The following CST3 variants were observed in gnomAD, a reference collection of about 807,000 sequenced individuals.
CST3 encodes the protein cystatin C, also known as cystatin-C.
In CST3, 14 loss-of-function variants were observed where a neutral mutation model predicts 9.0. The observed-to-expected ratio is 1.56, with a 90% confidence interval of 1.03 to 2.44. CST3 has a LOEUF of 2.44. Ranked by LOEUF, CST3 falls within the 30% of genes most tolerant of loss-of-function variation. CST3 has a pLI of 0.00. For synonymous variants in CST3, 96 were observed against 90.2 expected (o/e 1.06, Z -0.37); for missense variants, 237 against 204.3 (o/e 1.16, Z -0.98).
At position 23,633,734 on chromosome 20, in the gene CST3, A is replaced by C; in HGVS notation, c.*182T>G. 1 of 683,700 alleles carries C rather than the reference A, an allele frequency of 1.5e-6. No homozygotes were observed. Among genetic ancestry groups the C allele is most frequent in the Non-Finnish European group, 2.7e-6 (1 of 373,192 alleles). 42.4% of individuals were successfully genotyped at this position (683,700 alleles called of 1,614,324 possible). On this transcript the variant is annotated 3_prime_UTR_variant, in exon 3 of 3. Transcript: ENST00000376925. ...GGGCTATGAGAAGCAAGAAGGAAGGAGGGAGGGCAGAGCCCCTTGCTGAGC... is the reference window on the plus strand; with the variant it reads ...GGGCTATGAGAAGCAAGAAGGAAGGCGGGAGGGCAGAGCCCCTTGCTGAGC...
Position 23,637,717 on chromosome 20 carries a change from A to G in CST3, c.146T>C (p.Val49Ala). The G allele has an allele frequency of 6.5e-7, 1 of 1,544,826 alleles. No individual in the cohort carries two copies. The highest frequency in any genetic ancestry group is 8.7e-7 in the Non-Finnish European group (1 of 1,146,170). ...PMDASVEEEGVRRALDFAVGE... is the reference protein window; with the variant it reads ...PMDASVEEEGARRALDFAVGE... ...GACGGCAAAGTCCAGTGCACGCCGCACACCCTCCTCCTCCACGCTGGCGTC... is the reference window on the plus strand; with the variant it reads ...GACGGCAAAGTCCAGTGCACGCCGCGCACCCTCCTCCTCCACGCTGGCGTC... Residue 49 changes from valine (V) to alanine (A), a missense_variant, in exon 1 of 3, where the codon GTG (valine) becomes GCG (alanine). Transcript: ENST00000376925.
At chr20:23,627,207 A>T (rs966492560) in exon 4 of CST3, 1 of 152,232 alleles carries the variant, frequency 6.6e-6, no homozygotes. Context: ...AGCCCTAGAC[A>T]ACCACTAATC....
downstream of CST3, among the ~76,000 whole-genome samples, chr20:23,631,545 T>C (rs144957671): frequency 4.0e-3 from 606 of 152,314 alleles, 5 homozygotes; most frequent in African/African-American, 0.013. Flanking sequence ...TCTAAGAAAC[T>C]AGACTTGTCA....
chr20:23,635,509 A>G, intron 1 of CST3, 142 bp from the exon 2 acceptor site: 1 of 732,512 alleles, frequency 1.4e-6, no homozygotes, highest in East Asian at 2.7e-5. Context: ...TGTCACCTGC[A>G]AGGCACACAA....
chr20:23,636,240 G>C (rs1207148133), intron 1 of CST3, among the ~76,000 whole-genome samples: 3 of 152,190 alleles, frequency 2.0e-5, no homozygotes, highest in Non-Finnish European at 2.9e-5. Context: ...CGGGAGAAAC[G>C]CGGCTGGTCT....
chr20:23,633,620 G>T (rs1979532582), downstream of CST3: 2 of 562,516 alleles, frequency 3.6e-6, no homozygotes, highest in Non-Finnish European at 6.4e-6. Flanking sequence ...AACCCTGCCT[G>T]TGTGCACATC....
chr20:23,627,422 C>G (rs574453374), exon 4 of CST3: 4 of 152,070 alleles, frequency 2.6e-5, no homozygotes, highest in Non-Finnish European at 4.4e-5. Context: ...AACACTATAT[C>G]TTGATTATCC....
chr20:23,637,762 C>A lies in CST3; in HGVS notation c.101G>T (p.Arg34Leu), dbSNP rs768056985. Reference protein sequence around the residue: ...AAGSSPGKPPRLVGGPMDASV... With the variant: ...AAGSSPGKPPLLVGGPMDASV... ...GGCGTCCATGGGGCCTCCCACTAGG[C>A]GCGGCGGCTTGCCGGGACTGGAGCC... The change falls in exon 1 of 3, where the codon CGC (arginine) becomes CTC (leucine). Residue 34 changes from arginine to leucine, a missense_variant. By Grantham distance (102) the Arg-to-Leu change is moderately radical. Transcript: ENST00000376925. 2 of 1,529,948 alleles carry A rather than the reference C, an allele frequency of 1.3e-6. No homozygotes were observed. Among genetic ancestry groups the A allele is most frequent in the South Asian group, 2.4e-5 (2 of 81,888 alleles). The allele number at this position is 1,529,948 out of a possible 1,614,324, so 94.8% of individuals were successfully genotyped here. A position where few individuals can be genotyped will look rare whatever the true frequency, so the allele number is the denominator to read the frequency against.
At position 23,637,745 on chromosome 20, in the gene CST3, T is replaced by G. The variant is rs1394742444; in HGVS notation, c.118A>C (p.Met40Leu). The G allele has an allele frequency of 1.9e-6, 3 of 1,538,744 alleles. No homozygotes were observed. In the African/African-American group the frequency reaches 4.2e-5, roughly 22 times the overall value. The change falls in exon 1 of 3, where the codon ATG (methionine) becomes CTG (leucine). Residue 40 changes from methionine to leucine, a missense_variant. Coordinates refer to ENST00000376925, the MANE Select transcript of CST3 (RefSeq NM_000099.4). ...GKPPRLVGGP[M>L]DASVEEEGVR... The stretch of plus-strand genomic sequence containing the variant: ...CCCTCCTCCTCCACGCTGGCGTCCA[T>G]GGGGCCTCCCACTAGGCGCGGCGGC...
chr20:23,636,169 C>T (rs981851905), intron 1 of CST3, among the ~76,000 whole-genome samples: 8 of 152,166 alleles, frequency 5.3e-5, no homozygotes, highest in Admixed American at 2.0e-4. Context: ...TGCAGGCCAG[C>T]GGGGACCCTA....
At chr20:23,628,048 T>C (rs1404865586) in exon 4 of CST3, 1 of 152,120 alleles carries the variant, frequency 6.6e-6, no homozygotes, top group Non-Finnish European at 1.5e-5. Context: ...TCCTATCATG[T>C]GTGTTGTTTT....
chr20:23,635,702 T>TGGCA (rs988900363), intron 1 of CST3, among the ~76,000 whole-genome samples: 14 of 152,368 alleles, frequency 9.2e-5, no homozygotes, highest in Admixed American at 2.0e-4. Context: ...TTCCAGTTCC[T>TGGCA]GGCATTCAGT....
intron 2 of CST3, 48 bp downstream of exon 2, chr20:23,635,206 A>T (rs73902111): frequency 6.5e-6 from 9 of 1,386,292 alleles, no homozygotes; most frequent in Non-Finnish European, 8.2e-6. Context: ...ACACACACAC[A>T]CCCCTCTGCA....
At chr20:23,636,180 C>G (rs77339368) in intron 1 of CST3, among the ~76,000 whole-genome samples, 1 of 152,314 alleles carries the variant, frequency 6.6e-6, no homozygotes, top group Non-Finnish European at 1.5e-5. Context: ...GGGGACCCTA[C>G]ACCAGGGAAT....
At chr20:23,629,419 A>G (rs770927947), downstream of CST3, 1 of 152,400 alleles carries the variant, frequency 6.6e-6, no homozygotes, top group Non-Finnish European at 1.5e-5. Context: ...CCTGCCTGGT[A>G]GCCATTCAGG....
At chr20:23,637,263 TCTC>T (rs930728241) in intron 1 of CST3, among the ~76,000 whole-genome samples, 1 of 152,200 alleles carries the variant, frequency 6.6e-6, no homozygotes, top group Non-Finnish European at 1.5e-5. Flanking sequence ...TGTTTTTCCT[TCTC>T]CTGCGTATTC....
downstream of CST3, among the ~76,000 whole-genome samples, chr20:23,630,893 T>A (rs1979428706): frequency 6.6e-6 from 1 of 152,054 alleles, no homozygotes; most frequent in South Asian, 2.1e-4. Context: ...TATCCAGGAA[T>A]AAATTTCACA....
chr20:23,627,926 G>T lies in CST3; in HGVS notation c.*1542C>A, dbSNP rs566084768. ...GTTATTTGCCTTTATTTTTAAATTG[G>T]TTTTTTTAAAAAGAATTTTTAATTG... On this transcript the variant is annotated 3_prime_UTR_variant, in exon 4 of 4. Coordinates refer to the CST3 transcript ENST00000398411. 3.0e-3 allele frequency: 462 copies of T among 152,006 alleles called. 2 individuals carry two copies. Among genetic ancestry groups the T allele is most frequent in the African/African-American group, 0.01 (430 of 41,454 alleles). The allele number at this position is 152,006 out of a possible 1,614,324, so 9.4% of individuals were successfully genotyped here.
intron 2 of CST3, among the ~76,000 whole-genome samples, chr20:23,634,961 T>C (rs958418534): frequency 1.3e-5 from 2 of 151,864 alleles, no homozygotes; most frequent in South Asian, 2.1e-4. Context: ...TGTATGTGAA[T>C]GTATGTGCAC....
Sources: allele counts gnomAD v4.1 joint callset (sites outside exome capture counted in the v4.1 genomes callset), GRCh38; gene constraint gnomAD v4.1.1; transcripts MANE v1.5; gene names NCBI Gene and HGNC (gene_info 2026-07-23, HGNC 2026-07-21).